Variants in CLDN10 observed in about 807,000 individuals in gnomAD.
CLDN10 encodes the protein claudin-10.
Under a neutral mutation model 22.9 loss-of-function variants are expected in CLDN10, and 15 were observed. The ratio of observed to expected loss-of-function variants is 0.65; its 90% confidence interval spans 0.44 to 1.01. The LOEUF (loss-of-function observed/expected upper bound fraction) is 1.01, where lower values mean the gene tolerates loss of function less well. CLDN10 is among the 50% of genes least tolerant of loss of function. The pLI, the probability that CLDN10 is intolerant of heterozygous loss-of-function variation, is 0.00. For synonymous variants in CLDN10, 114 were observed against 111.4 expected (o/e 1.02, Z -0.15); for missense variants, 247 against 287.8 (o/e 0.86, Z 1.03).
intron 1 of CLDN10, among the ~76,000 whole-genome samples, chr13:95,475,578 AAG>A (rs1266162573): frequency 6.6e-6 from 1 of 152,154 alleles, no homozygotes; most frequent in Admixed American, 6.5e-5. Context: ...CAGGGTTTGA[AAG>A]AGTTTCAGTG....
At chr13:95,434,029 A>G (rs771555559) in exon 1 of CLDN10, 2 of 1,614,070 alleles carry the variant, frequency 1.2e-6, no homozygotes, top group Non-Finnish European at 1.7e-6. Context: ...ACCGCATTTT[A>G]CTATCTTCAA....
intron 1 of CLDN10, among the ~76,000 whole-genome samples, chr13:95,463,559 C>A (rs911916958): frequency 1.3e-5 from 2 of 151,356 alleles, no homozygotes; most frequent in Admixed American, 1.3e-4. Context: ...TCTTGAACTC[C>A]TGGAATCAAG....
chr13:95,573,693 T>A (rs2043889463), intron 3 of CLDN10, among the ~76,000 whole-genome samples: 1 of 147,918 alleles, frequency 6.8e-6, no homozygotes, highest in Non-Finnish European at 1.5e-5. Flanking sequence ...TTTTTGATAT[T>A]TTTAAATTTA....
chr13:95,549,382 A>G (rs2043542028), upstream of CLDN10, among the ~76,000 whole-genome samples: 1 of 152,236 alleles, frequency 6.6e-6, no homozygotes, highest in Non-Finnish European at 1.5e-5. Context: ...TTAACTGCAA[A>G]GGTTATTTGG....
At chr13:95,532,792 CA>C (rs57500288) in intron 1 of CLDN10, among the ~76,000 whole-genome samples, 69 of 62,016 alleles carry the variant, frequency 1.1e-3, no homozygotes, top group African/African-American at 1.8e-3. Flanking sequence ...CTCAATTCAG[CA>C]AAAAAAAAAA....
intron 1 of CLDN10, among the ~76,000 whole-genome samples, chr13:95,517,641 A>G (rs554310672): frequency 6.6e-6 from 1 of 152,272 alleles, no homozygotes; most frequent in East Asian, 1.9e-4. Flanking sequence ...TGTCTTACCA[A>G]TTGAGAGACT....
rs1034744786 is a variant in CLDN10 at position 95,561,929 on chromosome 13, A to AT, written c.464+1482dup. ...ATATATGTGCCACCACAACCAGATA[A>AT]TTTTTTTTTTTTTTTTGAGATGGAG... On this transcript the variant is annotated intron_variant, in intron 3 of 4. Coordinates refer to ENST00000299339, the MANE Select transcript of CLDN10 (RefSeq NM_006984.5). Among the ~76,000 whole-genome samples the AT allele has an allele frequency of 2.7e-3, 365 of 135,792 alleles. 1 individual carries two copies. The highest frequency in any genetic ancestry group is 3.8e-3 in the African/African-American group (140 of 37,116). 89.1% of individuals were successfully genotyped at this position (135,792 alleles called of 152,430 possible).
intron 1 of CLDN10, among the ~76,000 whole-genome samples, chr13:95,438,927 C>G (rs2139061873): frequency 7.6e-6 from 1 of 132,214 alleles, no homozygotes; most frequent in South Asian, 2.6e-4. Flanking sequence ...TGCAGTGAGC[C>G]AAGATCGAGC....
At chr13:95,465,030 C>T (rs1185860540) in intron 1 of CLDN10, among the ~76,000 whole-genome samples, 1 of 152,126 alleles carries the variant, frequency 6.6e-6, no homozygotes, top group Non-Finnish European at 1.5e-5. Flanking sequence ...TTTCACACTG[C>T]TGATAAAGGC....
rs117824337 is a variant in CLDN10, at chr13:95,530,720, T to A, written c.215-29412T>A. On this transcript the variant is annotated intron_variant, in intron 1 of 4. Coordinates refer to the CLDN10 transcript ENST00000376873. ...TATATTTTTTATTGTTTTATCCATA[T>A]GTTTTCCTAAAGTATGGCCCTGAAA... Among the ~76,000 whole-genome samples the A allele has an allele frequency of 1.3e-4, 20 of 152,356 alleles. No individual in the cohort carries two copies. In the East Asian group the frequency reaches 3.9e-3, roughly 29 times the overall value.
At chr13:95,438,512 T>C (rs1214039889) in intron 1 of CLDN10, among the ~76,000 whole-genome samples, 2 of 152,220 alleles carry the variant, frequency 1.3e-5, no homozygotes, top group African/African-American at 2.4e-5. Flanking sequence ...TGACCTTAAA[T>C]GACCACAAGA....
chr13:95,486,395 C>A (rs1013138348), intron 1 of CLDN10, among the ~76,000 whole-genome samples: 1 of 151,882 alleles, frequency 6.6e-6, no homozygotes, highest in Admixed American at 6.6e-5. Flanking sequence ...TGGTGGCGTG[C>A]GCCTGTAGTC....
intron 1 of CLDN10, among the ~76,000 whole-genome samples, chr13:95,495,476 G>A (rs1029362924): frequency 1.3e-5 from 2 of 151,690 alleles, no homozygotes; most frequent in African/African-American, 4.8e-5. Context: ...CAGGCGCGGT[G>A]GCTCAAGCCT....
chr13:95,542,833 A>C (rs1315034087), intron 1 of CLDN10, among the ~76,000 whole-genome samples: 4 of 152,160 alleles, frequency 2.6e-5, no homozygotes, highest in Admixed American at 2.6e-4. Flanking sequence ...AATAACAATA[A>C]TAAAGACATA....
intron 1 of CLDN10, among the ~76,000 whole-genome samples, chr13:95,447,200 T>C (rs1000867289): frequency 2.0e-5 from 3 of 152,256 alleles, no homozygotes; most frequent in African/African-American, 4.8e-5. Flanking sequence ...AATTTTCTTC[T>C]TATCTTACTA....
chr13:95,497,021 C>G (rs931363859), intron 1 of CLDN10: 3 of 152,038 alleles, frequency 2.0e-5, no homozygotes, highest in Admixed American at 1.3e-4. Flanking sequence ...CTCCCCAGGC[C>G]TGTTTTCCAG....
intron 1 of CLDN10, among the ~76,000 whole-genome samples, chr13:95,473,581 A>G (rs2042656931): frequency 6.6e-6 from 1 of 152,184 alleles, no homozygotes; most frequent in Non-Finnish European, 1.5e-5. Context: ...ATATTTCATT[A>G]GGCTCTCACG....
chr13:95,563,432 G>C (rs2043744580), intron 3 of CLDN10, among the ~76,000 whole-genome samples: 1 of 152,016 alleles, frequency 6.6e-6, no homozygotes, highest in South Asian at 2.1e-4. Context: ...GTAATTAAAA[G>C]CACAAGAACC....
chr13:95,479,069 G>A (rs2042714295), intron 1 of CLDN10, among the ~76,000 whole-genome samples: 1 of 152,212 alleles, frequency 6.6e-6, no homozygotes, highest in Non-Finnish European at 1.5e-5. Context: ...AGTGGCCACC[G>A]GCCGGGTGCA....
Sources: gnomAD v4.1 joint callset for allele counts (sites outside exome capture counted in the v4.1 genomes callset) on GRCh38, gnomAD v4.1.1 for gene constraint, MANE v1.5 for transcripts, NCBI Gene and HGNC (gene_info 2026-07-23, HGNC 2026-07-21) for gene names.